SPMIP11: variants seen among roughly 807,000 people sequenced by gnomAD.
SPMIP11 encodes the protein sperm microtubule inner protein 11.
At chr12:48,753,869 AT>A in the SPMIP11 span, among the ~76,000 whole-genome samples, 1 of 151,050 alleles carries the variant, frequency 6.6e-6, no homozygotes, top group African/African-American at 2.4e-5. Context: ...TGCCCGGCTA[AT>A]TTTTGTATTT....
the SPMIP11 span, among the ~76,000 whole-genome samples, chr12:48,748,661 A>C: frequency 6.6e-6 from 1 of 151,708 alleles, no homozygotes; most frequent in African/African-American, 2.4e-5. Context: ...GCCTTTTCCT[A>C]CCTTCTCCTG....
At chr12:48,756,321 G>C in the SPMIP11 span, among the ~76,000 whole-genome samples, 1 of 152,112 alleles carries the variant, frequency 6.6e-6, no homozygotes, top group Non-Finnish European at 1.5e-5. Context: ...CAGCCCCATG[G>C]TTCAGTCCAG....
At chr12:48,770,723 A>G in the SPMIP11 span, 7 of 1,589,612 alleles carry the variant, frequency 4.4e-6, no homozygotes, top group African/African-American at 5.4e-5. Flanking sequence ...CTTCACCTGG[A>G]AAAAGTCCTG....
chr12:48,759,645 G>A, the SPMIP11 span, among the ~76,000 whole-genome samples: 3 of 151,088 alleles, frequency 2.0e-5, no homozygotes, highest in Non-Finnish European at 4.4e-5. Flanking sequence ...ACTCCAGCTT[G>A]GGCAACAGAG....
At chr12:48,755,417 G>A in the SPMIP11 span, among the ~76,000 whole-genome samples, 2 of 152,146 alleles carry the variant, frequency 1.3e-5, no homozygotes, top group Non-Finnish European at 2.9e-5. Context: ...AGTGGAGTTT[G>A]GTTATAAAGA....
the SPMIP11 span, among the ~76,000 whole-genome samples, chr12:48,739,350 A>G: frequency 1.3e-5 from 2 of 152,272 alleles, no homozygotes; most frequent in South Asian, 4.1e-4. Context: ...TATTGGTTAT[A>G]TGTTTATCTA....
the SPMIP11 span, among the ~76,000 whole-genome samples, chr12:48,759,039 T>C: frequency 6.6e-6 from 1 of 152,174 alleles, no homozygotes; most frequent in South Asian, 2.1e-4. Flanking sequence ...GTGTTCTCTC[T>C]CCCTCCCCTC....
At chr12:48,745,479 T>C in the SPMIP11 span, among the ~76,000 whole-genome samples, 1 of 151,830 alleles carries the variant, frequency 6.6e-6, no homozygotes, top group Non-Finnish European at 1.5e-5. Flanking sequence ...TGGTGGTGCA[T>C]GCCTATAGCC....
the SPMIP11 span, among the ~76,000 whole-genome samples, chr12:48,730,594 C>G: frequency 2.0e-5 from 3 of 152,224 alleles, no homozygotes; most frequent in Admixed American, 6.5e-5. Context: ...ATTTAATACT[C>G]TAACATTCCT....
At chr12:48,764,851 T>C in the SPMIP11 span, 1 of 702,766 alleles carries the variant, frequency 1.4e-6, no homozygotes, top group South Asian at 1.5e-5. Context: ...ACCCATTCAG[T>C]TCCCAATCAG....
the SPMIP11 span, among the ~76,000 whole-genome samples, chr12:48,758,394 G>A: frequency 2.0e-5 from 3 of 152,176 alleles, no homozygotes; most frequent in Non-Finnish European, 4.4e-5. Context: ...GAAACAGGAT[G>A]CAGCTTCACT....
chr12:48,751,292 A>C, the SPMIP11 span, among the ~76,000 whole-genome samples: 2 of 152,230 alleles, frequency 1.3e-5, no homozygotes, highest in African/African-American at 4.8e-5. Context: ...GATGTGGGGA[A>C]CATACTTTGG....
At chr12:48,741,501 G>A in the SPMIP11 span, among the ~76,000 whole-genome samples, 1 of 152,084 alleles carries the variant, frequency 6.6e-6, no homozygotes, top group Non-Finnish European at 1.5e-5. Flanking sequence ...ATATCGGGAG[G>A]CTCATGATGT....
At chr12:48,756,611 C>A in the SPMIP11 span, among the ~76,000 whole-genome samples, 403 of 152,268 alleles carry the variant, frequency 2.6e-3, 1 homozygote, top group Non-Finnish European at 4.4e-3. Flanking sequence ...GATTAGTCAG[C>A]AATCCTCGGC....
chr12:48,729,759 A>T, the SPMIP11 span, among the ~76,000 whole-genome samples: 1 of 151,350 alleles, frequency 6.6e-6, no homozygotes, highest in African/African-American at 2.4e-5. Flanking sequence ...ACAGGCCTCC[A>T]TTGGTCATTC....
the SPMIP11 span, among the ~76,000 whole-genome samples, chr12:48,752,128 T>C: frequency 1.3e-5 from 2 of 151,234 alleles, no homozygotes; most frequent in Non-Finnish European, 2.9e-5. Context: ...AAATAATGTA[T>C]GTAACGTACC....
chr12:48,732,498 G>A, the SPMIP11 span, among the ~76,000 whole-genome samples: 9 of 152,060 alleles, frequency 5.9e-5, no homozygotes, highest in East Asian at 1.9e-4. Context: ...GGCCTGGCAC[G>A]GTGGCTCATA....
chr12:48,748,684 T>G, the SPMIP11 span, among the ~76,000 whole-genome samples: 2 of 152,076 alleles, frequency 1.3e-5, no homozygotes, highest in African/African-American at 4.8e-5. Context: ...TCTTCAAACC[T>G]CCAACACCTC....
chr12:48,769,396 A>G, the SPMIP11 span, among the ~76,000 whole-genome samples: 2 of 146,932 alleles, frequency 1.4e-5, no homozygotes, highest in African/African-American at 2.5e-5. Context: ...AGCCTGGTAC[A>G]GAGCAAATCC....
Sources: gnomAD v4.1 joint callset for allele counts (sites outside exome capture counted in the v4.1 genomes callset) on GRCh38, gnomAD v4.1.1 for gene constraint, MANE v1.5 for transcripts, NCBI Gene and HGNC (gene_info 2026-07-23, HGNC 2026-07-21) for gene names.